The following OSCP1 variants were observed in gnomAD, a reference collection of about 807,000 sequenced individuals.
OSCP1 encodes protein OSCP1.
In OSCP1, 35 loss-of-function variants were observed where a neutral mutation model predicts 45.1. The ratio of observed to expected loss-of-function variants is 0.78; its 90% CI spans 0.59 to 1.03. The LOEUF (loss-of-function observed/expected upper bound fraction) is 1.03, where lower values mean the gene tolerates loss of function less well. OSCP1 is among the 50% of genes least tolerant of loss of function. OSCP1 has a pLI of 0.00. For synonymous variants in OSCP1, 179 were observed against 180.1 expected (o/e 0.99, Z 0.05); for missense variants, 400 against 470.7 (o/e 0.85, Z 1.39).
chr1:36,449,835 CAAAAAAAA>C (rs67376533), intron 1 of OSCP1, among the ~76,000 whole-genome samples: 10 of 20,332 alleles, frequency 4.9e-4, no homozygotes, highest in East Asian at 2.7e-3. Flanking sequence ...GACCCTGTCT[CAAAAAAAA>C]AAAAAAAAAA....
chr1:36,438,767 T>C lies in OSCP1; in HGVS notation c.256A>G (p.Ser86Gly). 6.2e-7 allele frequency: 1 copy of C among 1,610,268 alleles called. No homozygotes were observed. Among genetic ancestry groups the C allele is most frequent in the Non-Finnish European group, 8.5e-7 (1 of 1,178,490 alleles). The change falls in exon 2 of 10, where the codon AGC becomes GGC. Residue 86 changes from serine to glycine, a missense_variant. Ser to Gly is a moderately conservative substitution (Grantham distance 56, BLOSUM62 0). Transcript: ENST00000235532. ...AGCTGTCTGCTCACCTTATCCATGC[T>C]GGCCTGGTTCAGTTTCATAATGGAG... ...HASIMKLNQA[S>G]MDKLYDLMTM... is the part of the protein sequence containing the mutation.
chr1:36,418,379 A>G, intron 9 of OSCP1, 124 bp from the exon 10 acceptor site: 1 of 761,902 alleles, frequency 1.3e-6, no homozygotes. Context: ...CCTGTTTGTC[A>G]GAAAAGGGAT....
intron 1 of OSCP1, among the ~76,000 whole-genome samples, chr1:36,449,462 C>T (rs944421389): frequency 2.6e-5 from 4 of 152,100 alleles, no homozygotes; most frequent in Non-Finnish European, 4.4e-5. Context: ...TTTTAGAACA[C>T]CAAATTTCTA....
intron 1 of OSCP1, among the ~76,000 whole-genome samples, chr1:36,439,273 C>T (rs550853955): frequency 5.9e-5 from 9 of 152,042 alleles, no homozygotes; most frequent in East Asian, 1.9e-4. Flanking sequence ...ATAATCCCAG[C>T]GCTTTGGGAG....
At chr1:36,448,684 T>C (rs534437347) in intron 1 of OSCP1, among the ~76,000 whole-genome samples, 43 of 152,040 alleles carry the variant, frequency 2.8e-4, no homozygotes, top group African/African-American at 6.8e-4. Context: ...TAATGCAGGA[T>C]TGAAGGGGAA....
intron 4 of OSCP1, among the ~76,000 whole-genome samples, 163 bp from the exon 5 acceptor site, chr1:36,423,629 C>T (rs530076412): frequency 1.3e-5 from 2 of 152,208 alleles, no homozygotes; most frequent in African/African-American, 2.4e-5. Context: ...AATCCCAGCA[C>T]TTTGAGAGGC....
At chr1:36,432,647 T>A (rs1648450488) in intron 2 of OSCP1, 58 bp from the exon 3 acceptor site, 2 of 1,602,396 alleles carry the variant, frequency 1.2e-6, no homozygotes, top group African/African-American at 2.7e-5. Flanking sequence ...GGTGTGAGAA[T>A]CTCCAAACAG....
At chr1:36,428,597 G>A (rs1648138726) in intron 4 of OSCP1, 1 of 1,256,010 alleles carries the variant, frequency 8.0e-7, no homozygotes, top group African/African-American at 1.5e-5. Context: ...AAGTTATTTT[G>A]CCCAAGGTCA....
chr1:36,449,097 T>C (rs750431407), intron 1 of OSCP1, among the ~76,000 whole-genome samples: 1 of 152,240 alleles, frequency 6.6e-6, no homozygotes, highest in African/African-American at 2.4e-5. Flanking sequence ...AATATGTATG[T>C]TGAACATCAA....
chr1:36,429,550 T>TTTTTTTTTG (rs1648218678), intron 4 of OSCP1, among the ~76,000 whole-genome samples: 1 of 139,880 alleles, frequency 7.1e-6, no homozygotes, highest in Non-Finnish European at 1.6e-5. Context: ...TTTTTTTTTT[T>TTTTTTTTTG]TTTTTTTTTT....
chr1:36,427,636 T>C (rs1648062642), intron 4 of OSCP1, among the ~76,000 whole-genome samples: 1 of 152,194 alleles, frequency 6.6e-6, no homozygotes, highest in Non-Finnish European at 1.5e-5. Flanking sequence ...TTCATTATAA[T>C]GAATTTTATC....
At chr1:36,431,938 G>C in intron 3 of OSCP1, 56 bp from the exon 4 acceptor site, 1 of 1,516,230 alleles carries the variant, frequency 6.6e-7, no homozygotes, top group Non-Finnish European at 9.0e-7. Context: ...TGAGTAGTAC[G>C]CACCGGCAGG....
At chr1:36,437,286 TATC>T (rs997496338) in intron 2 of OSCP1, among the ~76,000 whole-genome samples, 4 of 151,198 alleles carry the variant, frequency 2.6e-5, no homozygotes, top group African/African-American at 7.3e-5. Flanking sequence ...TTATTATTAT[TATC>T]ATTATTATTC....
chr1:36,425,833 A>G (rs1015640679), intron 4 of OSCP1, among the ~76,000 whole-genome samples: 3 of 152,200 alleles, frequency 2.0e-5, no homozygotes, highest in African/African-American at 7.2e-5. Flanking sequence ...CACAGGACAC[A>G]AGCATAAAAT....
rs141344947 is a variant in OSCP1 at position 36,424,579 on chromosome 1, C to T, written c.517-1113G>A. Reference sequence around the variant, plus strand: ...AACTCCTGTGATTCTGACTTTGGAGCCCGAACCTTATCCACATGCTGGACT... The same window carrying T: ...AACTCCTGTGATTCTGACTTTGGAGTCCGAACCTTATCCACATGCTGGACT... On this transcript the variant is annotated intron_variant, in intron 4 of 9. Transcript: ENST00000235532. Among the ~76,000 whole-genome samples the T allele has an allele frequency of 3.5e-3, 530 of 152,258 alleles. 5 individuals are homozygous for T. Among genetic ancestry groups the T allele is most frequent in the African/African-American group, 0.012 (486 of 41,544 alleles).
At position 36,429,535 on chromosome 1, in the gene OSCP1, A is replaced by ATTTTTTTTTTTTTTTTTTTTTTTTTTT. The variant is rs200043573; in HGVS notation, c.516+2266_516+2267insAAAAAAAAAAAAAAAAAAAAAAAAAAA. On this transcript the variant is annotated intron_variant, in intron 4 of 9. Coordinates refer to ENST00000235532, the MANE Select transcript of OSCP1 (RefSeq NM_145047.5). ...CACATTCAAAATTCAGAAGCTTAGA[A>ATTTTTTTTTTTTTTTTTTTTTTTTTTT]TTTTTTTTTTTTTTTTTTTTTTTTT... 8.0e-5 allele frequency among the ~76,000 whole-genome samples: 8 copies of ATTTTTTTTTTTTTTTTTTTTTTTTTTT among 100,320 alleles called. 1 individual carries two copies. Among genetic ancestry groups the ATTTTTTTTTTTTTTTTTTTTTTTTTTT allele is most frequent in the African/African-American group, 2.5e-4 (6 of 23,906 alleles). 65.8% of individuals were successfully genotyped at this position (100,320 alleles called of 152,430 possible). A position where few individuals can be genotyped will look rare whatever the true frequency, so the allele number is the denominator to read the frequency against.
intron 1 of OSCP1, chr1:36,443,963 G>A (rs778835001): frequency 1.3e-6 from 2 of 1,598,460 alleles, no homozygotes; most frequent in South Asian, 1.1e-5. Context: ...GAGTGAACCT[G>A]TGGATGCACA....
At chr1:36,429,317 T>C (rs1034673643) in intron 4 of OSCP1, among the ~76,000 whole-genome samples, 20 of 151,830 alleles carry the variant, frequency 1.3e-4, no homozygotes, top group Non-Finnish European at 2.5e-4. Context: ...GCCCAGGAGA[T>C]TGAGGCTGCA....
intron 1 of OSCP1, among the ~76,000 whole-genome samples, chr1:36,448,320 A>T (rs944451369): frequency 6.6e-6 from 1 of 152,190 alleles, no homozygotes; most frequent in Non-Finnish European, 1.5e-5. Context: ...CATTGGTGCC[A>T]CTAGCCTGAA....
Sources: gnomAD v4.1 joint callset for allele counts (sites outside exome capture counted in the v4.1 genomes callset) on GRCh38, gnomAD v4.1.1 for gene constraint, MANE v1.5 for transcripts, NCBI Gene and HGNC (gene_info 2026-07-23, HGNC 2026-07-21) for gene names.